LRRC1: variants seen among roughly 807,000 people sequenced by gnomAD.
LRRC1 encodes leucine rich repeat containing 1, also known as leucine-rich repeat-containing protein 1.
A neutral mutation model predicts 69.9 loss-of-function variants in LRRC1; 28 were observed. The observed-to-expected ratio is 0.40, with a 90% CI of 0.30 to 0.55. The LOEUF (loss-of-function observed/expected upper bound fraction) is 0.55. Ranked by LOEUF, LRRC1 falls within the 20% of genes least tolerant of loss-of-function variation. LRRC1 has a pLI of 0.47. For missense variants in LRRC1, 498 were observed against 609.0 expected, an observed-to-expected ratio of 0.82 and a Z score of 1.92; for synonymous variants, 236 against 240.2, an observed-to-expected ratio of 0.98 and a Z score of 0.16.
At chr6:53,844,546 C>T (rs1765881802) in intron 2 of LRRC1, among the ~76,000 whole-genome samples, 1 of 152,218 alleles carries the variant, frequency 6.6e-6, no homozygotes, top group African/African-American at 2.4e-5. Flanking sequence ...TCCCGTGTGT[C>T]CCCTTACCTT....
intron 4 of LRRC1, among the ~76,000 whole-genome samples, chr6:53,895,131 A>G (rs377009053): frequency 6.6e-6 from 1 of 151,822 alleles, no homozygotes; most frequent in Non-Finnish European, 1.5e-5. Flanking sequence ...GTTAGCCGGG[A>G]TGGTCTCGAT....
chr6:53,820,748 C>T (rs912631707), intron 1 of LRRC1, among the ~76,000 whole-genome samples: 9 of 151,932 alleles, frequency 5.9e-5, no homozygotes, highest in African/African-American at 2.2e-4. Flanking sequence ...ATATAGAAGT[C>T]CCTTAGAAAA....
At chr6:53,812,647 G>A (rs141030689) in intron 1 of LRRC1, among the ~76,000 whole-genome samples, 27,290 of 140,426 alleles carry the variant, frequency 0.19, 2,750 homozygotes, top group Middle Eastern at 0.33. Context: ...CCGAGATCGC[G>A]CCACTGCACT....
intron 4 of LRRC1, 87 bp from the exon 5 acceptor site, chr6:53,896,411 C>A: frequency 1.8e-6 from 2 of 1,105,854 alleles, no homozygotes; most frequent in African/African-American, 1.5e-5. Flanking sequence ...AGTGTTGCAA[C>A]TTGTCCAGTG....
In LRRC1 at chr6:53,923,395, C is replaced by A. The variant is rs1474915786; in HGVS notation, c.*602C>A. The A allele has an allele frequency of 6.6e-6, 1 of 152,646 alleles. No individual in the cohort carries two copies. Among genetic ancestry groups the A allele is most frequent in the Non-Finnish European group, 1.5e-5 (1 of 68,058 alleles). 9.5% of individuals were successfully genotyped at this position (152,646 alleles called of 1,614,324 possible). On this transcript the variant is annotated 3_prime_UTR_variant, in exon 14 of 14. Coordinates refer to ENST00000370888, the MANE Select transcript of LRRC1 (RefSeq NM_018214.5). ...ATTTGTACCATCCACTTGTGCCTTA[C>A]TGTATCCTGTGTCATGTCCAATCAG...
In LRRC1 at chr6:53,900,041, T is replaced by TTG. The variant is rs1562066496; in HGVS notation, c.787+151_787+152insGT. 1.8e-5 allele frequency: 12 copies of TTG among 668,958 alleles called. No homozygotes were observed. The African/African-American group carries it at 3.0e-4, about 17-fold the overall frequency. The allele number at this position is 668,958 out of a possible 1,614,324, so 41.4% of individuals were successfully genotyped here. A position where few individuals can be genotyped will look rare whatever the true frequency, so the allele number is the denominator to read the frequency against. ...TACTGTTTTTTTTTTTTTTTTTTTT[T>TTG]TTTTTTTTTTTTCTGAGATGGAGTC... On this transcript the variant is annotated intron_variant, in intron 8 of 13. Transcript: ENST00000370888.
Position 53,834,524 on chromosome 6 carries a change from A to C in LRRC1, c.160-7586A>C, listed in dbSNP as rs150808436. The stretch of plus-strand genomic sequence containing the variant: ...TTGTTTAGCAGGTAGTTATCTGAGG[A>C]TTTCTACTGTGTGATCCTCCAGCAT... On this transcript the variant is annotated intron_variant, in intron 1 of 13. Coordinates refer to ENST00000370888, the MANE Select transcript of LRRC1 (RefSeq NM_018214.5). Among the ~76,000 whole-genome samples, 447 of 152,150 alleles carry C rather than the reference A, an allele frequency of 2.9e-3. 3 individuals are homozygous for C. Among genetic ancestry groups the C allele is most frequent in the African/African-American group, 0.01 (423 of 41,500 alleles).
At chr6:53,834,866 G>T (rs1452804837) in intron 1 of LRRC1, among the ~76,000 whole-genome samples, 1 of 152,196 alleles carries the variant, frequency 6.6e-6, no homozygotes, top group Middle Eastern at 3.2e-3. Flanking sequence ...GGACGCTGAG[G>T]CAGGAGAATG....
At chr6:53,813,064 T>G (rs576507226) in intron 1 of LRRC1, among the ~76,000 whole-genome samples, 2 of 151,808 alleles carry the variant, frequency 1.3e-5, no homozygotes, top group Non-Finnish European at 2.9e-5. Context: ...AGGATGCCGA[T>G]GAAAAGGTAC....
At chr6:53,813,073 A>G (rs1329711645) in intron 1 of LRRC1, among the ~76,000 whole-genome samples, 3 of 151,994 alleles carry the variant, frequency 2.0e-5, no homozygotes, top group Non-Finnish European at 4.4e-5. Context: ...ATGAAAAGGT[A>G]CTTGGGATGC....
intron 4 of LRRC1, among the ~76,000 whole-genome samples, chr6:53,890,646 A>T (rs543588338): frequency 6.6e-6 from 1 of 152,306 alleles, no homozygotes; most frequent in Admixed American, 6.5e-5. Context: ...TTATTATTTC[A>T]AAAACAAAAA....
rs544664032 is a variant in LRRC1 at position 53,849,609 on chromosome 6, T to G, written c.277+7382T>G. Among the ~76,000 whole-genome samples the G allele has an allele frequency of 4.5e-4, 69 of 152,306 alleles. No homozygotes were observed. In the South Asian group the frequency reaches 0.014, roughly 31 times the overall value. Reference sequence around the variant, plus strand: ...GCTCGCACCACTGCAAACAGCGCTCTCCTCTTACTGAGCTAGAAAAGACAA... The same window carrying G: ...GCTCGCACCACTGCAAACAGCGCTCGCCTCTTACTGAGCTAGAAAAGACAA... On this transcript the variant is annotated intron_variant, in intron 2 of 13. Coordinates refer to ENST00000370888, the MANE Select transcript of LRRC1 (RefSeq NM_018214.5).
chr6:53,828,195 G>A (rs984376270), intron 1 of LRRC1, among the ~76,000 whole-genome samples: 5 of 151,696 alleles, frequency 3.3e-5, no homozygotes, highest in Admixed American at 1.3e-4. Context: ...AGAAACATGG[G>A]TAATTTGTCT....
At chr6:53,812,290 G>A (rs1385601584) in intron 1 of LRRC1, among the ~76,000 whole-genome samples, 1 of 152,182 alleles carries the variant, frequency 6.6e-6, no homozygotes, top group Non-Finnish European at 1.5e-5. Flanking sequence ...GCAAACCAGG[G>A]CAGAATTTAG....
chr6:53,853,831 C>G (rs1412359419), intron 2 of LRRC1, among the ~76,000 whole-genome samples: 1 of 152,058 alleles, frequency 6.6e-6, no homozygotes. Context: ...GCAGGTGTAG[C>G]TTTCTTCTAT....
chr6:53,918,701 G>A (rs545271510), intron 11 of LRRC1, among the ~76,000 whole-genome samples: 1 of 152,350 alleles, frequency 6.6e-6, no homozygotes, highest in South Asian at 2.1e-4. Flanking sequence ...ATTTCTGGCA[G>A]TGGTCTTTAC....
At chr6:53,829,536 G>A (rs1162320489) in intron 1 of LRRC1, among the ~76,000 whole-genome samples, 2 of 152,212 alleles carry the variant, frequency 1.3e-5, no homozygotes, top group East Asian at 3.8e-4. Context: ...ATACCAGGCT[G>A]TGGAAAGTGC....
chr6:53,814,113 T>A (rs572255388), intron 1 of LRRC1, among the ~76,000 whole-genome samples: 2 of 152,362 alleles, frequency 1.3e-5, no homozygotes, highest in African/African-American at 4.8e-5. Flanking sequence ...CATTTACTTC[T>A]CTAACTCCAA....
chr6:53,890,668 T>TA (rs1254008903), intron 4 of LRRC1, among the ~76,000 whole-genome samples: 3 of 152,174 alleles, frequency 2.0e-5, no homozygotes, highest in African/African-American at 4.8e-5. Flanking sequence ...AAAGATTTTT[T>TA]AAAAAAAGTT....
Sources: gnomAD v4.1 joint callset for allele counts (sites outside exome capture counted in the v4.1 genomes callset) on GRCh38, gnomAD v4.1.1 for gene constraint, MANE v1.5 for transcripts, NCBI Gene and HGNC (gene_info 2026-07-23, HGNC 2026-07-21) for gene names.